The following CCT2 variants were observed in gnomAD, a reference collection of about 807,000 sequenced individuals.
CCT2 encodes T-complex protein 1 subunit beta.
CCT2 carries 18 observed loss-of-function variants against 61.8 expected under a neutral mutation model. The observed-to-expected ratio is 0.29, with a 90% confidence interval of 0.20 to 0.43. CCT2 has a LOEUF of 0.43. Among genes scored for constraint, CCT2 ranks in the 20% least tolerant of loss-of-function variants. The pLI is 1.00. For missense variants in CCT2, 556 were observed against 656.9 expected (o/e 0.85, Z 1.68); for synonymous variants, 248 against 215.9 (o/e 1.15, Z -1.30).
chr12:69,600,094 A>G, intron 15 of CCT2, 90 bp downstream of exon 15: 1 of 1,230,332 alleles, frequency 8.1e-7, no homozygotes, highest in Non-Finnish European at 1.1e-6. Context: ...AATGAAAAGC[A>G]GAGACAGTTT....
intron 9 of CCT2, 79 bp downstream of exon 9, chr12:69,593,182 AT>A: frequency 2.4e-6 from 3 of 1,270,486 alleles, no homozygotes; most frequent in Non-Finnish European, 3.3e-6. Flanking sequence ...ATTGAATTAG[AT>A]TTTTTACCTA....
chr12:69,586,691 G>T, intron 2 of CCT2, 62 bp from the exon 3 acceptor site: 21 of 1,149,040 alleles, frequency 1.8e-5, no homozygotes, highest in Non-Finnish European at 2.6e-5. Context: ...AGTAAATAAA[G>T]ATAAAACTGT....
At chr12:69,586,933 A>C in intron 3 of CCT2, 115 bp downstream of exon 3, 2 of 635,120 alleles carry the variant, frequency 3.1e-6, no homozygotes. Context: ...ATTATAAAAG[A>C]CAAGTATGTT....
intron 7 of CCT2, 24 bp downstream of exon 7, chr12:69,589,711 G>A (rs1469149401): frequency 6.3e-7 from 1 of 1,578,636 alleles, no homozygotes; most frequent in East Asian, 2.2e-5. Flanking sequence ...TCAGATACAA[G>A]AAGCTTTGAT....
chr12:69,587,951 A>T lies in CCT2; in HGVS notation c.278A>T (p.Asp93Val). Residue 93 changes from aspartate (D) to valine (V), a missense_variant, in exon 5 of 16, where the codon GAT becomes GTT. Physicochemically the swap from Asp to Val is radical, Grantham distance 152. Coordinates refer to ENST00000299300, the MANE Select transcript of CCT2 (RefSeq NM_006431.3). ...CTAGATATGTCAAGGGTTCAAGATG[A>T]TGAAGTTGGTGATGGCACTACCTCT... Reference protein sequence around the residue: ...VLVDMSRVQDDEVGDGTTSVT... With the variant: ...VLVDMSRVQDVEVGDGTTSVT... The T allele has an allele frequency of 6.2e-7, 1 of 1,613,448 alleles. No homozygotes were observed. Among genetic ancestry groups the T allele is most frequent in the Non-Finnish European group, 8.5e-7 (1 of 1,179,368 alleles).
In CCT2 at chr12:69,592,045, T is replaced by A; in HGVS notation, c.650-14T>A. The A allele has an allele frequency of 7.1e-7, 1 of 1,408,240 alleles. No individual in the cohort carries two copies. Among genetic ancestry groups the A allele is most frequent in the Non-Finnish European group, 1.0e-6 (1 of 994,592 alleles). 87.2% of individuals were successfully genotyped at this position (1,408,240 alleles called of 1,614,324 possible). A position where few individuals can be genotyped will look rare whatever the true frequency, so the allele number is the denominator to read the frequency against. Reference sequence around the variant, plus strand: ...GAAGTATTAAATATGATACTGTTCTTATATTTATTGTAGGCTTCCTGTTGG... The same window carrying A: ...GAAGTATTAAATATGATACTGTTCTAATATTTATTGTAGGCTTCCTGTTGG... On this transcript the variant is annotated splice_polypyrimidine_tract_variant and intron_variant, in intron 7 of 15. Transcript: ENST00000299300.
rs1168613483 is a variant in CCT2, at chr12:69,593,043, A to G, written c.818A>G (p.Glu273Gly). 1.2e-6 allele frequency: 2 copies of G among 1,613,128 alleles called. No individual in the cohort carries two copies. Among genetic ancestry groups the G allele is most frequent in the Non-Finnish European group, 1.7e-6 (2 of 1,179,146 alleles). Residue 273 changes from glutamate (E) to glycine (G), a missense_variant, in exon 9 of 16, where the codon GAA becomes GGA. Coordinates refer to ENST00000299300, the MANE Select transcript of CCT2 (RefSeq NM_006431.3). The stretch of plus-strand genomic sequence containing the variant: ...GCAGAAATAGAACATGCGGAAAAGG[A>G]AAAAATGAAGGAGAAAGTTGAACGT... ...KVAEIEHAEK[E>G]KMKEKVERIL...
chr12:69,587,441 A>AT, intron 3 of CCT2, 64 bp from the exon 4 acceptor site: 1 of 904,984 alleles, frequency 1.1e-6, no homozygotes, highest in Non-Finnish European at 1.8e-6. Flanking sequence ...GAGAATACTG[A>AT]TTGATCCATG....
Position 69,593,034 on chromosome 12 carries a change from C to T in CCT2, c.809C>T (p.Ala270Val), listed in dbSNP as rs369840085. ...GCAAAGGTTGCAGAAATAGAACATG[C>T]GGAAAAGGAAAAAATGAAGGAGAAA... is the stretch of plus-strand genomic sequence containing the variant. ...STAKVAEIEHAEKEKMKEKVE... is the reference protein window; with the variant it reads ...STAKVAEIEHVEKEKMKEKVE... The change falls in exon 9 of 16, where the codon GCG (alanine) becomes GTG (valine). Residue 270 changes from alanine to valine, a missense_variant. Physicochemically the swap from Ala to Val is moderately conservative, Grantham distance 64. Coordinates refer to ENST00000299300, the MANE Select transcript of CCT2 (RefSeq NM_006431.3). 3.2e-5 allele frequency: 51 copies of T among 1,612,252 alleles called. No individual in the cohort carries two copies. The highest frequency in any genetic ancestry group is 1.7e-4 in the Middle Eastern group (1 of 6,056).
In CCT2 at chr12:69,587,530, G is replaced by T. The variant is rs778745250; in HGVS notation, c.170G>T (p.Arg57Leu). Residue 57 changes from arginine (R) to leucine (L), a missense_variant, in exon 4 of 16, where the codon CGA becomes CTA. Around this residue, in one of 3 missense-constraint regions of CCT2, gnomAD observed 308 missense variants for 350.6 expected, o/e 0.88. Coordinates refer to ENST00000299300, the MANE Select transcript of CCT2 (RefSeq NM_006431.3). Reference protein sequence around the residue: ...GMDKILLSSGRDASLMVTNDG... With the variant: ...GMDKILLSSGLDASLMVTNDG... ...GACAAAATTCTTCTAAGCAGTGGAC[G>T]AGATGCCTCTCTTATGGTAACCAAT... 19 of 1,612,368 alleles carry T rather than the reference G, an allele frequency of 1.2e-5. No homozygotes were observed. In the South Asian group the frequency reaches 1.8e-4, roughly 15 times the overall value.
Position 69,592,965 on chromosome 12 carries a change from G to A in CCT2, c.751-11G>A, listed in dbSNP as rs377532029. ...GAAACTGATGCTCTCTTTATGCTTC[G>A]TTTGTCTTAGATATTTGGTTCCCGG... On this transcript the variant is annotated splice_polypyrimidine_tract_variant and intron_variant, in intron 8 of 15. Coordinates refer to ENST00000299300, the MANE Select transcript of CCT2 (RefSeq NM_006431.3). 1.2e-5 allele frequency: 19 copies of A among 1,609,874 alleles called. No homozygotes were observed. The African/African-American group carries it at 1.3e-4, about 11-fold the overall frequency.
chr12:69,587,791 T>G (rs1384256141), intron 4 of CCT2, 139 bp from the exon 5 acceptor site: 1 of 774,684 alleles, frequency 1.3e-6, no homozygotes, highest in Non-Finnish European at 2.1e-6. Flanking sequence ...GTGGTAAAAC[T>G]GTTGCATTTC....
At chr12:69,590,342 T>A (rs936940825) in intron 7 of CCT2, among the ~76,000 whole-genome samples, 11 of 152,316 alleles carry the variant, frequency 7.2e-5, no homozygotes, top group African/African-American at 1.9e-4. Context: ...TAGTTTTTTT[T>A]AGAAAAGAAT....
chr12:69,591,388 G>C (rs553144), intron 7 of CCT2, among the ~76,000 whole-genome samples: 90,416 of 151,916 alleles, frequency 0.6, 28,264 homozygotes, highest in African/African-American at 0.79. Context: ...ATAATTTGTC[G>C]AAGGTTATAT....
Position 69,587,438 on chromosome 12 carries a change from CTGAT to C in CCT2, c.145-62_145-59del, listed in dbSNP as rs1203957696. 9 of 885,666 alleles carry C rather than the reference CTGAT, an allele frequency of 1.0e-5. No individual in the cohort carries two copies. In the African/African-American group the frequency reaches 1.5e-4, roughly 15 times the overall value. The allele number at this position is 885,666 out of a possible 1,614,324, so 54.9% of individuals were successfully genotyped here. A position where few individuals can be genotyped will look rare whatever the true frequency, so the allele number is the denominator to read the frequency against. On this transcript the variant is annotated intron_variant, in intron 3 of 15. Transcript: ENST00000299300. ...TATACACTAGCACTGTGTGAGAATA[CTGAT>C]TGATCCATGCATTCTTCAAGATGTG...
At chr12:69,600,883 G>T (rs932482873) in intron 15 of CCT2, among the ~76,000 whole-genome samples, 1 of 152,148 alleles carries the variant, frequency 6.6e-6, no homozygotes. Context: ...CCCCCTTATT[G>T]TATGGTCATC....
intron 3 of CCT2, 29 bp downstream of exon 3, chr12:69,586,847 T>C: frequency 7.1e-7 from 1 of 1,413,952 alleles, no homozygotes; most frequent in African/African-American, 1.5e-5. Context: ...TTTTATATTT[T>C]AATATTGTTT....
rs1172217129 is a variant in CCT2, at chr12:69,593,045, A to G, written c.820A>G (p.Lys274Glu). 6.2e-7 allele frequency: 1 copy of G among 1,613,560 alleles called. No individual in the cohort carries two copies. The highest frequency in any genetic ancestry group is 8.5e-7 in the Non-Finnish European group (1 of 1,179,558). The change falls in exon 9 of 16, where the codon AAA (lysine) becomes GAA (glutamate). Residue 274 changes from lysine (K) to glutamate (E), a missense_variant. Coordinates refer to ENST00000299300, the MANE Select transcript of CCT2 (RefSeq NM_006431.3). ...VAEIEHAEKE[K>E]MKEKVERILK... is the part of the protein sequence containing the mutation. ...AGAAATAGAACATGCGGAAAAGGAA[A>G]AAATGAAGGAGAAAGTTGAACGTAT...
intron 8 of CCT2, 75 bp downstream of exon 8, chr12:69,592,234 T>G: frequency 1.3e-6 from 1 of 793,702 alleles, no homozygotes. Flanking sequence ...CCTAGCAATT[T>G]GGGAGGCCAA....
Sources: gnomAD v4.1 joint callset for allele counts (sites outside exome capture counted in the v4.1 genomes callset) on GRCh38, gnomAD v4.1.1 for gene constraint, gnomAD v4.1.1 regional missense constraint, MANE v1.5 for transcripts, NCBI Gene and HGNC (gene_info 2026-07-23, HGNC 2026-07-21) for gene names.